Variants in CTNND2 observed in about 807,000 individuals in gnomAD.
CTNND2 encodes catenin delta 2.
A neutral mutation model predicts 144.4 loss-of-function variants in CTNND2; 22 were observed. The observed-to-expected ratio is 0.15, with a 90% CI of 0.11 to 0.22. The LOEUF (loss-of-function observed/expected upper bound fraction) is 0.22, where lower values mean the gene tolerates loss of function less well. Among genes scored for constraint, CTNND2 ranks in the 10% least tolerant of loss-of-function variants. CTNND2 has a pLI of 1.00. For missense variants in CTNND2, 1,353 were observed against 1,618.8 expected (o/e 0.84, Z 2.82); for synonymous variants, 751 against 695.6 (o/e 1.08, Z -1.25).
chr5:11,128,846 AATATATATAAT>A (rs1561350207), intron 12 of CTNND2, among the ~76,000 whole-genome samples: 1 of 60,568 alleles, frequency 1.7e-5, no homozygotes, highest in African/African-American at 8.5e-5. Flanking sequence ...TTAAGTATAT[AATATATATAAT>A]ATATATAATA....
chr5:11,200,861 A>T (rs1737359486), intron 10 of CTNND2, among the ~76,000 whole-genome samples: 1 of 151,894 alleles, frequency 6.6e-6, no homozygotes, highest in Non-Finnish European at 1.5e-5. Flanking sequence ...TTGTATTTTT[A>T]GTAGAGACAG....
At chr5:11,274,379 C>T (rs1180656725) in intron 9 of CTNND2, among the ~76,000 whole-genome samples, 1 of 152,132 alleles carries the variant, frequency 6.6e-6, no homozygotes, top group Non-Finnish European at 1.5e-5. Context: ...TAACTAATAA[C>T]TTTTTCATAT....
intron 1 of CTNND2, among the ~76,000 whole-genome samples, chr5:11,853,823 T>G (rs1186283058): frequency 6.6e-6 from 1 of 152,186 alleles, no homozygotes; most frequent in South Asian, 2.1e-4. Flanking sequence ...GGTACAGCGT[T>G]TAGTCACTCT....
chr5:11,172,853 G>A (rs2149788733), intron 11 of CTNND2, among the ~76,000 whole-genome samples: 1 of 152,262 alleles, frequency 6.6e-6, no homozygotes, highest in African/African-American at 2.4e-5. Flanking sequence ...GAGAAGGTAT[G>A]ATGGACACTG....
chr5:11,639,944 C>T (rs1781909394), intron 2 of CTNND2, among the ~76,000 whole-genome samples: 1 of 152,120 alleles, frequency 6.6e-6, no homozygotes, highest in South Asian at 2.1e-4. Context: ...AGAACCTCAA[C>T]AAGAGAAAAC....
intron 9 of CTNND2, among the ~76,000 whole-genome samples, chr5:11,239,580 G>A (rs1712735710): frequency 6.6e-6 from 1 of 152,222 alleles, no homozygotes; most frequent in Non-Finnish European, 1.5e-5. Flanking sequence ...ACGTGATTGT[G>A]CTACTTTCCT....
At chr5:11,879,356 T>TATATATATATATATATATATACAC (rs904010417) in intron 1 of CTNND2, among the ~76,000 whole-genome samples, 1 of 141,368 alleles carries the variant, frequency 7.1e-6, no homozygotes, top group Non-Finnish European at 1.6e-5. Context: ...TATATATATA[T>TATATATATATATATATATATACAC]ACATATACAC....
At chr5:11,595,553 G>A (rs1325417674) in intron 2 of CTNND2, among the ~76,000 whole-genome samples, 1 of 152,100 alleles carries the variant, frequency 6.6e-6, no homozygotes. Context: ...CTCATGCAAT[G>A]ACAGATGAAG....
intron 2 of CTNND2, among the ~76,000 whole-genome samples, chr5:11,659,153 C>T (rs1410543305): frequency 6.6e-6 from 1 of 151,942 alleles, no homozygotes; most frequent in Non-Finnish European, 1.5e-5. Flanking sequence ...TAAAACAATA[C>T]AAATAATACA....
chr5:11,451,769 T>C (rs1765334869), intron 3 of CTNND2, among the ~76,000 whole-genome samples: 1 of 152,286 alleles, frequency 6.6e-6, no homozygotes, highest in Non-Finnish European at 1.5e-5. Context: ...TGCTAAATCC[T>C]ATAACATGCC....
At chr5:11,657,461 C>T (rs1782974086) in intron 2 of CTNND2, among the ~76,000 whole-genome samples, 1 of 152,074 alleles carries the variant, frequency 6.6e-6, no homozygotes, top group Non-Finnish European at 1.5e-5. Context: ...TCTCCTGTTT[C>T]TCTCTCCTTC....
At chr5:11,814,627 G>A (rs532548437) in intron 1 of CTNND2, among the ~76,000 whole-genome samples, 3 of 152,200 alleles carry the variant, frequency 2.0e-5, no homozygotes, top group African/African-American at 7.2e-5. Flanking sequence ...GTTGGTTAAC[G>A]CTAAGCTACT....
intron 2 of CTNND2, among the ~76,000 whole-genome samples, chr5:11,582,567 C>A (rs1326536954): frequency 2.0e-5 from 3 of 152,212 alleles, no homozygotes; most frequent in Non-Finnish European, 4.4e-5. Flanking sequence ...CGAATATTCA[C>A]CTTGTAACTT....
intron 3 of CTNND2, among the ~76,000 whole-genome samples, chr5:11,521,543 T>C (rs867917536): frequency 6.6e-6 from 1 of 152,234 alleles, no homozygotes; most frequent in Non-Finnish European, 1.5e-5. Flanking sequence ...ACCACCATCA[T>C]TAAACATATA....
chr5:11,855,270 G>A (rs1236796927), intron 1 of CTNND2, among the ~76,000 whole-genome samples: 1 of 152,154 alleles, frequency 6.6e-6, no homozygotes, highest in Non-Finnish European at 1.5e-5. Context: ...GTGGGCTCCT[G>A]AGCCAGACTC....
chr5:11,008,364 T>G (rs1638361), intron 18 of CTNND2, among the ~76,000 whole-genome samples: 1 of 151,408 alleles, frequency 6.6e-6, no homozygotes. Context: ...AAGAGAGATT[T>G]GGGGGGTCAC....
chr5:11,764,286 A>G (rs4701918), intron 1 of CTNND2, among the ~76,000 whole-genome samples: 148,987 of 152,278 alleles, frequency 0.98, 72,958 homozygotes, highest in East Asian at 1. Context: ...ACACCTTGAT[A>G]TTGGCCAAGT....
At chr5:11,564,528 CTT>C (rs1486654953) in intron 3 of CTNND2, among the ~76,000 whole-genome samples, 1 of 151,972 alleles carries the variant, frequency 6.6e-6, no homozygotes, top group African/African-American at 2.4e-5. Flanking sequence ...AATTTCATAA[CTT>C]AGCATTATGT....
At chr5:11,797,371 T>C (rs1791458816) in intron 1 of CTNND2, among the ~76,000 whole-genome samples, 1 of 152,142 alleles carries the variant, frequency 6.6e-6, no homozygotes. Flanking sequence ...ACTTCCAAAA[T>C]GGGGCAAGGA....
Sources: gnomAD v4.1 joint callset for allele counts (sites outside exome capture counted in the v4.1 genomes callset) on GRCh38, gnomAD v4.1.1 for gene constraint, MANE v1.5 for transcripts, NCBI Gene and HGNC (gene_info 2026-07-23, HGNC 2026-07-21) for gene names.